The following PKP3 variants were observed in gnomAD, a reference collection of about 807,000 sequenced individuals.
The protein encoded by PKP3 is plakophilin 3.
In PKP3, 66 loss-of-function variants were observed where a neutral mutation model predicts 76.5. The observed-to-expected ratio is 0.86, with a 90% confidence interval of 0.71 to 1.06. The LOEUF is 1.06. Among genes scored for constraint, PKP3 ranks in the 50% least tolerant of loss-of-function variants. The pLI is 0.00. For synonymous variants in PKP3, 638 were observed against 516.5 expected (o/e 1.24, Z -3.19); for missense variants, 1,338 against 1,141.0 (o/e 1.17, Z -2.49).
At chr11:403,409 G>A (rs1847191783) in intron 9 of PKP3, 146 bp downstream of exon 9, 3 of 850,790 alleles carry the variant, frequency 3.5e-6, no homozygotes, top group Non-Finnish European at 3.5e-6. Flanking sequence ...CGCAGGCCTT[G>A]GGCCTTGGGA....
chr11:395,406 G>A lies in PKP3; in HGVS notation c.232+882G>A, dbSNP rs372978652. On this transcript the variant is annotated intron_variant, in intron 1 of 12. Coordinates refer to ENST00000331563, the MANE Select transcript of PKP3 (RefSeq NM_007183.4). ...GTGAAGGTCGCCCAGCGGAGGGGCC[G>A]GCCCGGCGGCCTGGACTGTGGGGTC... 3.4e-3 allele frequency among the ~76,000 whole-genome samples: 525 copies of A among 152,334 alleles called. 5 individuals are homozygous for A. The highest frequency in any genetic ancestry group is 0.012 in the African/African-American group (493 of 41,576).
At chr11:394,579 GCGGA>G (rs1847021142) in intron 1 of PKP3, 55 bp downstream of exon 1, 1 of 1,307,996 alleles carries the variant, frequency 7.6e-7, no homozygotes, top group Non-Finnish European at 9.8e-7. Context: ...GTGGCTGCGG[GCGGA>G]CGTGATAGTG....
Position 400,702 on chromosome 11 carries a change from C to G in PKP3, c.1734C>G (p.Arg578=). The change falls in exon 8 of 13, where the codon CGC becomes CGG. Residue 578 remains arginine, a synonymous_variant. Coordinates refer to ENST00000331563, the MANE Select transcript of PKP3 (RefSeq NM_007183.4). ...GCFTPQSRRL[R]ELPLAADALT... is the part of the protein sequence containing the mutation. ...TCACGCCGCAGAGCCGGCGGCTGCG[C>G]GAGGTGGGCACCAGCCTGAGCGGGG... 7.9e-7 allele frequency: 1 copy of G among 1,261,302 alleles called. No homozygotes were observed. The highest frequency in any genetic ancestry group is 1.0e-6 in the Non-Finnish European group (1 of 999,578). The allele number at this position is 1,261,302 out of a possible 1,614,324, so 78.1% of individuals were successfully genotyped here.
At position 404,060 on chromosome 11, in the gene PKP3, G is replaced by A; in HGVS notation, c.2195G>A (p.Ser732Asn). 4 of 1,612,548 alleles carry A rather than the reference G, an allele frequency of 2.5e-6. No homozygotes were observed. The highest frequency in any genetic ancestry group is 3.4e-6 in the Non-Finnish European group (4 of 1,179,802). Residue 732 changes from serine (S) to asparagine (N), a missense_variant, in exon 11 of 13, where the codon AGC becomes AAC. Transcript: ENST00000331563. The surrounding 1 kb of genome is among the most constrained non-coding windows in gnomAD (Gnocchi z 4.2). Reference protein sequence around the residue: ...IAVLNNLVVASPIAARDLLYF... With the variant: ...IAVLNNLVVANPIAARDLLYF... The stretch of plus-strand genomic sequence containing the variant: ...GTGCTCAACAACCTGGTGGTGGCCA[G>A]CCCCATCGCTGCCCGAGACCTGCTG...
intron 8 of PKP3, 92 bp downstream of exon 8, chr11:400,797 GC>G (rs1453147465): frequency 1.6e-5 from 8 of 506,082 alleles, no homozygotes; most frequent in Non-Finnish European, 1.9e-5. Flanking sequence ...GCTCACCCCC[GC>G]CCCGCTCACC....
chr11:397,348 A>G lies in PKP3; in HGVS notation c.847A>G (p.Ser283Gly), dbSNP rs891780476. ...AGTGGCTCGAGCGCCATCTGTGCGCAGCCTCAGCCTCAGCCTGGCTGACTC... is the reference window on the plus strand; with the variant it reads ...AGTGGCTCGAGCGCCATCTGTGCGCGGCCTCAGCCTCAGCCTGGCTGACTC... ...EPVARAPSVR[S>G]LSLSLADSGH... The change falls in exon 3 of 13, where the codon AGC becomes GGC. Residue 283 changes from serine (S) to glycine (G), a missense_variant. Ser to Gly is a moderately conservative substitution (Grantham distance 56). Transcript: ENST00000331563. The G allele has an allele frequency of 6.3e-7, 1 of 1,589,374 alleles. No homozygotes were observed. Among genetic ancestry groups the G allele is most frequent in the Non-Finnish European group, 8.5e-7 (1 of 1,170,044 alleles).
chr11:395,399 AG>A (rs1410682175), intron 1 of PKP3, among the ~76,000 whole-genome samples: 1 of 152,154 alleles, frequency 6.6e-6, no homozygotes, highest in African/African-American at 2.4e-5. Flanking sequence ...CGCCCAGCGG[AG>A]GGGCCGGCCC....
In PKP3 at chr11:403,742, C is replaced by T. The variant is rs150915681; in HGVS notation, c.2048C>T (p.Ser683Phe). 4 of 1,608,706 alleles carry T rather than the reference C, an allele frequency of 2.5e-6. No individual in the cohort carries two copies. Among genetic ancestry groups the T allele is most frequent in the Non-Finnish European group, 3.4e-6 (4 of 1,179,874 alleles). ...RSLTGLIRNL[S>F]RNARNKDEMS... ...CTGACTGGCCTCATCCGAAACCTGT[C>T]TCGGAACGCTAGGAACAAGGACGAG... Residue 683 changes from serine (S) to phenylalanine (F), a missense_variant, in exon 10 of 13, where the codon TCT (serine) becomes TTT (phenylalanine). Coordinates refer to ENST00000331563, the MANE Select transcript of PKP3 (RefSeq NM_007183.4).
chr11:392,789 C>T (rs976517510), upstream of PKP3: 53 of 661,478 alleles, frequency 8.0e-5, no homozygotes, highest in Non-Finnish European at 1.1e-4. Flanking sequence ...TTCAGTGGAC[C>T]TTCCCCTCCC....
intron 1 of PKP3, among the ~76,000 whole-genome samples, chr11:395,143 G>T (rs936849106): frequency 1.3e-5 from 2 of 152,212 alleles, no homozygotes; most frequent in African/African-American, 4.8e-5. Flanking sequence ...CCCCACTCAC[G>T]CGAGTGTGTG....
rs781187610 is a variant in PKP3 at position 403,703 on chromosome 11, A to C, written c.2009A>C (p.His670Pro). Residue 670 changes from histidine (H) to proline (P), a missense_variant, in exon 10 of 13, where the codon CAC (histidine) becomes CCC (proline). Physicochemically the swap from His to Pro is moderately conservative, Grantham distance 77. Transcript: ENST00000331563. Reference protein sequence around the residue: ...LLDRVRTADHHQLRSLTGLIR... With the variant: ...LLDRVRTADHPQLRSLTGLIR... ...GACCGTGTCAGGACCGCCGACCACC[A>C]CCAGCTGCGCTCACTGACTGGCCTC... 3 of 1,610,166 alleles carry C rather than the reference A, an allele frequency of 1.9e-6. No individual in the cohort carries two copies. Among genetic ancestry groups the C allele is most frequent in the Non-Finnish European group, 2.5e-6 (3 of 1,179,746 alleles).
intron 9 of PKP3, 29 bp from the exon 10 acceptor site, chr11:403,589 G>C: frequency 1.3e-6 from 2 of 1,596,590 alleles, no homozygotes; most frequent in Non-Finnish European, 1.7e-6. Context: ...AGGCCTCCGG[G>C]TCACGGCTCA....
Position 400,064 on chromosome 11 carries a change from G to A in PKP3, c.1371G>A (p.Ser457=), listed in dbSNP as rs140479964. 1.1e-4 allele frequency: 172 copies of A among 1,602,280 alleles called. No individual in the cohort carries two copies. In the African/African-American group the frequency reaches 1.6e-3, roughly 15 times the overall value. ...QLTDLVLSPL[S]GAGGPPLIQQ... ...CAGACCTGGTGTTGAGCCCCCTGTC[G>A]GGGGCTGGGGGTCCCCCCCTCATCC... Residue 457 remains serine, a synonymous_variant, in exon 6 of 13, where the codon TCG becomes TCA. Coordinates refer to ENST00000331563, the MANE Select transcript of PKP3 (RefSeq NM_007183.4).
rs1448734711 is a variant in PKP3 at position 400,724 on chromosome 11, G to C, written c.1737+19G>C. ...GCGCGAGGTGGGCACCAGCCTGAGCGGGGCGTGGGGTGGGTGCTGCGACCC... is the reference window on the plus strand; with the variant it reads ...GCGCGAGGTGGGCACCAGCCTGAGCCGGGCGTGGGGTGGGTGCTGCGACCC... On this transcript the variant is annotated intron_variant, in intron 8 of 12. Coordinates refer to ENST00000331563, the MANE Select transcript of PKP3 (RefSeq NM_007183.4). 4 of 1,208,280 alleles carry C rather than the reference G, an allele frequency of 3.3e-6. No individual in the cohort carries two copies. Among genetic ancestry groups the C allele is most frequent in the African/African-American group, 1.6e-5 (1 of 62,566 alleles). 74.8% of individuals were successfully genotyped at this position (1,208,280 alleles called of 1,614,324 possible). A position where few individuals can be genotyped will look rare whatever the true frequency, so the allele number is the denominator to read the frequency against.
chr11:400,235 G>C (rs1048314975), intron 6 of PKP3, 94 bp downstream of exon 6: 4 of 1,409,392 alleles, frequency 2.8e-6, no homozygotes, highest in African/African-American at 2.9e-5. Flanking sequence ...CACACCGCAC[G>C]CCTCGCGCTG....
At chr11:399,810 T>C (rs533425846) in intron 5 of PKP3, among the ~76,000 whole-genome samples, 157 bp from the exon 6 acceptor site, 1 of 150,996 alleles carries the variant, frequency 6.6e-6, no homozygotes, top group South Asian at 2.1e-4. Flanking sequence ...CTCTATCACC[T>C]CAAATGCCAC....
At chr11:395,646 G>A (rs1054861132) in intron 1 of PKP3, among the ~76,000 whole-genome samples, 10 of 152,212 alleles carry the variant, frequency 6.6e-5, no homozygotes, top group Non-Finnish European at 1.0e-4. Context: ...TAATAGCCCC[G>A]GCCCAGAAGC....
intron 5 of PKP3, among the ~76,000 whole-genome samples, chr11:399,639 A>G (rs1847116858): frequency 2.9e-5 from 4 of 136,184 alleles, no homozygotes; most frequent in Non-Finnish European, 6.3e-5. Flanking sequence ...GTCCCTTTGT[A>G]CCTTTTGCCG....
At chr11:403,314 A>G in intron 9 of PKP3, 51 bp downstream of exon 9, 4 of 1,090,928 alleles carry the variant, frequency 3.7e-6, no homozygotes, top group Non-Finnish European at 5.2e-6. Flanking sequence ...CATGCGGTTG[A>G]GGGGGGGACA....
Sources: gnomAD v4.1 joint callset for allele counts (sites outside exome capture counted in the v4.1 genomes callset) on GRCh38, gnomAD v4.1.1 for gene constraint, Gnocchi (gnomAD v3.1) non-coding constraint, MANE v1.5 for transcripts, NCBI Gene and HGNC (gene_info 2026-07-23, HGNC 2026-07-21) for gene names.